GAREM1: variants seen among roughly 807,000 people sequenced by gnomAD.
GAREM1 encodes GRB2 associated regulator of MAPK1 subtype 1.
In GAREM1, 26 loss-of-function variants were observed where a neutral mutation model predicts 71.3. That is an observed-to-expected ratio of 0.36 (90% CI 0.27 to 0.51). The LOEUF (loss-of-function observed/expected upper bound fraction) is 0.51, where lower values mean the gene tolerates loss of function less well. Among genes scored for constraint, GAREM1 ranks in the 20% least tolerant of loss-of-function variants. The pLI is 0.95. For missense variants in GAREM1, 1,026 were observed against 1,103.1 expected (o/e 0.93, Z 0.99); for synonymous variants, 440 against 433.2 (o/e 1.02, Z -0.20).
rs114757911 is a variant in GAREM1 at position 32,268,736 on chromosome 18, T to G, written c.1766A>C (p.Glu589Ala). The G allele has an allele frequency of 5.7e-4, 918 of 1,613,980 alleles. 7 individuals carry two copies. In the African/African-American group the frequency reaches 0.011, roughly 20 times the overall value. ...SVTKTDTNPS[E>A]STPVSCYPCN... is the part of the protein sequence containing the mutation. ...TGGATAGCAGGAAACAGGAGTGCTT[T>G]CAGAAGGATTTGTGTCAGTTTTAGT... The change falls in exon 6 of 6, where the codon GAA (glutamate) becomes GCA (alanine). Residue 589 changes from glutamate (E) to alanine (A), a missense_variant. Physicochemically the swap from Glu to Ala is moderately radical, Grantham distance 107. This residue lies in a region of GAREM1 where 636 missense variants were observed against 631.2 expected (regional missense o/e 1.01). Coordinates refer to ENST00000269209, the MANE Select transcript of GAREM1 (RefSeq NM_001242409.2).
chr18:32,432,380 C>T (rs1018604090), intron 1 of GAREM1, among the ~76,000 whole-genome samples: 5 of 151,300 alleles, frequency 3.3e-5, no homozygotes, highest in Non-Finnish European at 5.9e-5. Flanking sequence ...CAGAATAAAC[C>T]GAAAGCAATC....
intron 1 of GAREM1, among the ~76,000 whole-genome samples, chr18:32,415,949 T>C (rs988653217): frequency 1.3e-5 from 2 of 152,084 alleles, no homozygotes; most frequent in African/African-American, 4.8e-5. Context: ...TTGCAGATGA[T>C]ATATGATTTT....
chr18:32,307,705 T>G (rs1292487958), intron 3 of GAREM1, among the ~76,000 whole-genome samples: 1 of 152,104 alleles, frequency 6.6e-6, no homozygotes, highest in Non-Finnish European at 1.5e-5. Flanking sequence ...GTATTTTTAG[T>G]AGAGATGGGG....
chr18:32,269,152 T>C (rs1225302838), intron 5 of GAREM1, among the ~76,000 whole-genome samples: 1 of 152,164 alleles, frequency 6.6e-6, no homozygotes, highest in African/African-American at 2.4e-5. Flanking sequence ...GAATAGTAAA[T>C]GAGTGGCGCA....
chr18:32,340,632 G>A (rs1023540708), intron 2 of GAREM1, among the ~76,000 whole-genome samples: 11 of 152,168 alleles, frequency 7.2e-5, no homozygotes, highest in Non-Finnish European at 1.2e-4. Flanking sequence ...TTAAGGGGCT[G>A]TAAAAGTAAA....
intron 1 of GAREM1, among the ~76,000 whole-genome samples, chr18:32,425,309 T>C (rs143460074): frequency 6.2e-4 from 95 of 152,348 alleles, no homozygotes; most frequent in African/African-American, 2.2e-3. Context: ...CCATTTCCCA[T>C]TAACTACTGT....
rs148978090 is a variant in GAREM1, at chr18:32,268,856, T to C, written c.1734-88A>G. On this transcript the variant is annotated intron_variant, in intron 5 of 5. Transcript: ENST00000269209. ...GTTATTTATAGACGTTACTGCTGAG[T>C]AGAAAAGCGCAGTTAGTTTTGAATT... 5.0e-5 allele frequency: 55 copies of C among 1,090,084 alleles called. No homozygotes were observed. The African/African-American group carries it at 8.3e-4, about 16-fold the overall frequency. The allele number at this position is 1,090,084 out of a possible 1,614,324, so 67.5% of individuals were successfully genotyped here.
chr18:32,305,014 A>G (rs2047239139), intron 3 of GAREM1, among the ~76,000 whole-genome samples: 1 of 152,166 alleles, frequency 6.6e-6, no homozygotes, highest in Non-Finnish European at 1.5e-5. Flanking sequence ...TGAAAAAACT[A>G]AGAGAGATAA....
At chr18:32,466,994 A>G (rs904040544) in intron 1 of GAREM1, among the ~76,000 whole-genome samples, 4 of 152,234 alleles carry the variant, frequency 2.6e-5, no homozygotes, top group African/African-American at 7.2e-5. Context: ...AATATTGAAC[A>G]CATCTATCTA....
At chr18:32,374,112 A>G (rs2048011597) in intron 2 of GAREM1, among the ~76,000 whole-genome samples, 1 of 152,246 alleles carries the variant, frequency 6.6e-6, no homozygotes, top group South Asian at 2.1e-4. Context: ...GCATTCACAC[A>G]ACATATCTCC....
intron 2 of GAREM1, among the ~76,000 whole-genome samples, chr18:32,314,090 GTT>G (rs59416892): frequency 7.0e-6 from 1 of 141,926 alleles, no homozygotes. Flanking sequence ...GACAAAAAAA[GTT>G]TTTTTTTTTT....
chr18:32,373,543 T>C (rs2048006280), intron 2 of GAREM1, among the ~76,000 whole-genome samples: 1 of 152,112 alleles, frequency 6.6e-6, no homozygotes, highest in Non-Finnish European at 1.5e-5. Context: ...TGACAAGAAA[T>C]AGTGAAACAA....
At chr18:32,445,719 A>T (rs1315859792) in intron 1 of GAREM1, among the ~76,000 whole-genome samples, 1 of 152,162 alleles carries the variant, frequency 6.6e-6, no homozygotes, top group African/African-American at 2.4e-5. Flanking sequence ...TGTAATGTTC[A>T]ATCATCTTAC....
chr18:32,303,516 G>A (rs1457587448), intron 3 of GAREM1, among the ~76,000 whole-genome samples: 1 of 152,124 alleles, frequency 6.6e-6, no homozygotes, highest in East Asian at 1.9e-4. Context: ...GTGTAGTAAG[G>A]TCTCCAAAAA....
At chr18:32,352,222 A>G (rs774922460) in intron 2 of GAREM1, among the ~76,000 whole-genome samples, 2 of 152,174 alleles carry the variant, frequency 1.3e-5, no homozygotes, top group Non-Finnish European at 2.9e-5. Context: ...TTCCCAGGGA[A>G]ACAAGAATAA....
Position 32,470,591 on chromosome 18 carries a change from G to T in GAREM1, c.-163C>A. 3.4e-6 allele frequency: 1 copy of T among 292,240 alleles called. No homozygotes were observed. The highest frequency in any genetic ancestry group is 1.3e-4 in the South Asian group (1 of 7,844). The allele number at this position is 292,240 out of a possible 1,614,324, so 18.1% of individuals were successfully genotyped here. On this transcript the variant is annotated 5_prime_UTR_variant, in exon 1 of 6. Transcript: ENST00000269209. This position sits in a 1 kb window ranked among gnomAD's most constrained non-coding sequence, Gnocchi z 4.4. ...GGGGCGCGGCGACTGGGGCGGCCCG[G>T]AGGGAGGGGGCCGGCGCCCGGCTCA...
chr18:32,318,161 C>T (rs571836269), intron 2 of GAREM1, among the ~76,000 whole-genome samples: 10 of 152,140 alleles, frequency 6.6e-5, no homozygotes, highest in East Asian at 3.9e-4. Flanking sequence ...ATGACATGCT[C>T]GCTGATTATG....
intron 1 of GAREM1, among the ~76,000 whole-genome samples, chr18:32,467,290 A>G (rs1452081519): frequency 2.6e-5 from 4 of 152,212 alleles, no homozygotes; most frequent in African/African-American, 7.2e-5. Flanking sequence ...TGTTTTTAAA[A>G]TATTGACTTT....
rs117938470 is a variant in GAREM1, at chr18:32,285,643, T to C, written c.1566+1388A>G. ...AGGCTCCTCTCATTCATCCCGCGAC[T>C]AGAAGTTTCTCTGTCTCTTCTGAAT... On this transcript the variant is annotated intron_variant, in intron 4 of 5. Transcript: ENST00000269209. 9.3e-4 allele frequency among the ~76,000 whole-genome samples: 141 copies of C among 152,372 alleles called. 1 individual carries two copies. In the East Asian group the frequency reaches 0.019, roughly 20 times the overall value.
Sources: allele counts gnomAD v4.1 joint callset (sites outside exome capture counted in the v4.1 genomes callset), GRCh38; gene constraint gnomAD v4.1.1; regional missense constraint gnomAD v4.1.1; non-coding constraint Gnocchi (gnomAD v3.1); transcripts MANE v1.5; gene names NCBI Gene and HGNC (gene_info 2026-07-23, HGNC 2026-07-21).